Variants in RIC3 observed in about 807,000 individuals in gnomAD.
The protein encoded by RIC3 is protein RIC-3.
A neutral mutation model predicts 27.3 loss-of-function variants in RIC3; 28 were observed. The ratio of observed to expected loss-of-function variants is 1.02; its 90% CI spans 0.76 to 1.41. The LOEUF is 1.41. Among genes scored for constraint, RIC3 ranks in the 40% most tolerant of loss-of-function variants. The pLI is 0.00. For missense variants in RIC3, 501 were observed against 444.7 expected (o/e 1.13, Z -1.14); for synonymous variants, 184 against 160.4 (o/e 1.15, Z -1.11).
intron 1 of RIC3, among the ~76,000 whole-genome samples, chr11:8,140,777 C>T (rs566732543): frequency 6.9e-4 from 105 of 152,260 alleles, no homozygotes; most frequent in African/African-American, 2.5e-3. Flanking sequence ...TTTGTTACAG[C>T]AGTTAGCCAC....
chr11:8,160,045 A>G (rs929027661), intron 1 of RIC3, among the ~76,000 whole-genome samples: 11 of 152,200 alleles, frequency 7.2e-5, no homozygotes, highest in Admixed American at 5.9e-4. Context: ...AGAAAAAAAG[A>G]AAAATTATAA....
chr11:8,143,515 A>C (rs1949302818), intron 1 of RIC3, among the ~76,000 whole-genome samples: 1 of 151,634 alleles, frequency 6.6e-6, no homozygotes, highest in Non-Finnish European at 1.5e-5. Context: ...ACCACTGCTC[A>C]AGGAAATAAA....
At chr11:8,154,242 A>G (rs1315007279) in intron 1 of RIC3, among the ~76,000 whole-genome samples, 2 of 152,172 alleles carry the variant, frequency 1.3e-5, no homozygotes, top group Admixed American at 6.5e-5. Flanking sequence ...CTCTGAGATA[A>G]ACACCATTCT....
At position 8,169,011 on chromosome 11, in the gene RIC3, G is replaced by C. The variant is rs1199594515; in HGVS notation, c.-22C>G. The C allele has an allele frequency of 7.9e-6, 12 of 1,522,572 alleles. No individual in the cohort carries two copies. Among genetic ancestry groups the C allele is most frequent in the Non-Finnish European group, 1.1e-5 (12 of 1,139,956 alleles). 94.3% of individuals were successfully genotyped at this position (1,522,572 alleles called of 1,614,324 possible). Reference sequence around the variant, plus strand: ...CCATGACTGCTCACGGTGGTCGCAGGTGCAGACGCCAGCCGGAACCGGAAC... The same window carrying C: ...CCATGACTGCTCACGGTGGTCGCAGCTGCAGACGCCAGCCGGAACCGGAAC... On this transcript the variant is annotated 5_prime_UTR_variant, in exon 1 of 6. Coordinates refer to ENST00000309737, the MANE Select transcript of RIC3 (RefSeq NM_001206671.4).
At chr11:8,139,667 G>A (rs1948822644) in intron 2 of RIC3, 1 of 224,350 alleles carries the variant, frequency 4.5e-6, no homozygotes, top group African/African-American at 2.5e-5. Context: ...TTTTTGGCAG[G>A]GGAGTGCATT....
chr11:8,146,571 A>C lies in RIC3; in HGVS notation c.125-6378T>G, dbSNP rs1471479634. Among the ~76,000 whole-genome samples, 4 of 152,182 alleles carry C rather than the reference A, an allele frequency of 2.6e-5. No individual in the cohort carries two copies. The East Asian group carries it at 7.7e-4, about 29-fold the overall frequency. On this transcript the variant is annotated intron_variant, in intron 1 of 5. Transcript: ENST00000309737. The stretch of plus-strand genomic sequence containing the variant: ...AAGAGATTTATTCTGAGCCAAATAT[A>C]AGTGACCATGGCACATGACACAGCC...
At chr11:8,114,511 C>G (rs527732171) in intron 5 of RIC3, among the ~76,000 whole-genome samples, 1 of 150,710 alleles carries the variant, frequency 6.6e-6, no homozygotes, top group South Asian at 2.1e-4. Flanking sequence ...GAGGCTGAGG[C>G]AGAAGAATCG....
At chr11:8,165,126 A>G (rs1951562199) in intron 1 of RIC3, among the ~76,000 whole-genome samples, 1 of 152,220 alleles carries the variant, frequency 6.6e-6, no homozygotes, top group African/African-American at 2.4e-5. Context: ...TGTAATAACC[A>G]TACAACCTAG....
rs1945096089 is a variant in RIC3, at chr11:8,110,287, C to T, written c.*411G>A. On this transcript the variant is annotated 3_prime_UTR_variant, in exon 6 of 6. Coordinates refer to ENST00000309737, the MANE Select transcript of RIC3 (RefSeq NM_001206671.4). ...CCCAAAGAATAAGGGATCTTGGAGT[C>T]TGAAATCTTCATTCTTGCAACCTTA... The T allele has an allele frequency of 3.4e-5, 11 of 321,518 alleles. No individual in the cohort carries two copies. Among genetic ancestry groups the T allele is most frequent in the South Asian group, 3.1e-4 (11 of 35,402 alleles). The allele number at this position is 321,518 out of a possible 1,614,324, so 19.9% of individuals were successfully genotyped here.
In RIC3 at chr11:8,137,818, C is replaced by A. The variant is rs557760848; in HGVS notation, c.428-347G>T. Among the ~76,000 whole-genome samples, 60 of 152,216 alleles carry A rather than the reference C, an allele frequency of 3.9e-4. 1 individual carries two copies. Among genetic ancestry groups the A allele is most frequent in the African/African-American group, 1.3e-3 (52 of 41,540 alleles). ...TGACATACATTCTAGTCTATAAATT[C>A]TTGAGGAAAGAGCCATGTTGTATAA... On this transcript the variant is annotated intron_variant, in intron 3 of 5. Transcript: ENST00000309737.
downstream of RIC3, chr11:8,101,505 G>C: frequency 6.2e-7 from 1 of 1,614,242 alleles, no homozygotes. Context: ...TCGTGATGCA[G>C]TTTGGCCGGG....
At chr11:8,098,209 G>A in the RIC3 span, among the ~76,000 whole-genome samples, 2 of 152,110 alleles carry the variant, frequency 1.3e-5, no homozygotes, top group African/African-American at 2.4e-5. Flanking sequence ...CTTGGGGGTG[G>A]GGGGCAGTGG....
intron 5 of RIC3, among the ~76,000 whole-genome samples, chr11:8,118,870 C>CA (rs71059152): frequency 0.5 from 68,603 of 136,812 alleles, 19,862 homozygotes; most frequent in Middle Eastern, 0.67. Context: ...GACTCCATCT[C>CA]AAAAAAAAAA....
In RIC3 at chr11:8,108,717, G is replaced by T. The variant is rs182019874; in HGVS notation, c.*1981C>A. 2.0e-5 allele frequency: 3 copies of T among 152,228 alleles called. No individual in the cohort carries two copies. Among genetic ancestry groups the T allele is most frequent in the Non-Finnish European group, 2.9e-5 (2 of 68,026 alleles). 9.4% of individuals were successfully genotyped at this position (152,228 alleles called of 1,614,324 possible). A position where few individuals can be genotyped will look rare whatever the true frequency, so the allele number is the denominator to read the frequency against. On this transcript the variant is annotated 3_prime_UTR_variant, in exon 6 of 6. Coordinates refer to ENST00000309737, the MANE Select transcript of RIC3 (RefSeq NM_001206671.4). ...CATTTTATCTGTCAGGCTCTCTCTC[G>T]TCACACTGAGTTTTCTGAGGGTAGA...
At chr11:8,131,328 A>G (rs1947674165) in intron 4 of RIC3, among the ~76,000 whole-genome samples, 2 of 152,252 alleles carry the variant, frequency 1.3e-5, no homozygotes, top group South Asian at 4.1e-4. Flanking sequence ...TAAAAGGTCA[A>G]TCAAGGATAA....
chr11:8,156,748 T>C (rs66638701), intron 1 of RIC3, among the ~76,000 whole-genome samples: 10,882 of 152,238 alleles, frequency 0.071, 439 homozygotes, highest in South Asian at 0.11. Context: ...GGCCAGATAC[T>C]GCCCCCATGC....
chr11:8,168,783 C>T (rs1425640702), intron 1 of RIC3, 83 bp downstream of exon 1: 2 of 1,530,310 alleles, frequency 1.3e-6, no homozygotes, highest in East Asian at 2.4e-5. Context: ...AGGCTGCAGA[C>T]TCTCAGAGTC....
At chr11:8,124,841 A>T (rs939282237) in intron 5 of RIC3, among the ~76,000 whole-genome samples, 9 of 152,224 alleles carry the variant, frequency 5.9e-5, no homozygotes, top group African/African-American at 2.2e-4. Flanking sequence ...ACCTCAGATC[A>T]TCTATAAAGG....
At chr11:8,094,308 C>A in the RIC3 span, 42 of 1,301,166 alleles carry the variant, frequency 3.2e-5, no homozygotes, top group African/African-American at 4.6e-4. Flanking sequence ...AGGGAAGACA[C>A]AGACTGCCAC....
Sources: allele counts gnomAD v4.1 joint callset (sites outside exome capture counted in the v4.1 genomes callset), GRCh38; gene constraint gnomAD v4.1.1; transcripts MANE v1.5; gene names NCBI Gene and HGNC (gene_info 2026-07-23, HGNC 2026-07-21).